Variants in SLCO5A1 observed in about 807,000 individuals in gnomAD.
SLCO5A1 encodes solute carrier organic anion transporter family member 5A1, also known as organic anion transporter polypeptide-related protein 4.
Under a neutral mutation model 65.1 loss-of-function variants are expected in SLCO5A1, and 39 were observed. The observed-to-expected ratio is 0.60, with a 90% CI of 0.46 to 0.78. The LOEUF (loss-of-function observed/expected upper bound fraction) is 0.78. Among genes scored for constraint, SLCO5A1 ranks in the 30% least tolerant of loss-of-function variants. SLCO5A1 has a pLI of 0.00. For synonymous variants in SLCO5A1, 438 were observed against 415.7 expected (o/e 1.05, Z -0.65); for missense variants, 1,029 against 1,069.4 (o/e 0.96, Z 0.53).
At chr8:69,698,164 T>A (rs1328701641) in intron 6 of SLCO5A1, among the ~76,000 whole-genome samples, 2 of 152,230 alleles carry the variant, frequency 1.3e-5, no homozygotes, top group Non-Finnish European at 2.9e-5. Flanking sequence ...GCTCCATCCA[T>A]GTTGCTGCAA....
chr8:69,801,541 G>C (rs1478395043), intron 2 of SLCO5A1, among the ~76,000 whole-genome samples: 2 of 152,122 alleles, frequency 1.3e-5, no homozygotes, highest in African/African-American at 4.8e-5. Context: ...ATAGATCTTA[G>C]TCTTTCTCCA....
Position 69,671,279 on chromosome 8 carries a change from G to C in SLCO5A1, c.*1590C>G, listed in dbSNP as rs1456972160. 2 of 152,268 alleles carry C rather than the reference G, an allele frequency of 1.3e-5. No individual in the cohort carries two copies. Among genetic ancestry groups the C allele is most frequent in the Non-Finnish European group, 2.9e-5 (2 of 68,064 alleles). The allele number at this position is 152,268 out of a possible 1,614,324, so 9.4% of individuals were successfully genotyped here. ...CAATTCCACCTGTGCAGTCAAGCAA[G>C]GTTGGAGAGCAGAAGCCTGAATCAT... On this transcript the variant is annotated 3_prime_UTR_variant, in exon 10 of 10. Transcript: ENST00000260126.
At chr8:69,694,251 T>G (rs1343638689) in intron 6 of SLCO5A1, among the ~76,000 whole-genome samples, 1 of 152,246 alleles carries the variant, frequency 6.6e-6, no homozygotes, top group East Asian at 1.9e-4. Flanking sequence ...GCTCCACTCC[T>G]TATTAACTGA....
At chr8:69,803,493 G>A (rs1375510467) in intron 2 of SLCO5A1, among the ~76,000 whole-genome samples, 3 of 151,988 alleles carry the variant, frequency 2.0e-5, no homozygotes, top group Non-Finnish European at 2.9e-5. Flanking sequence ...CAGGAGAATC[G>A]CTTGTGAGCT....
At chr8:69,819,920 A>G (rs7820242) in intron 2 of SLCO5A1, among the ~76,000 whole-genome samples, 79,166 of 152,008 alleles carry the variant, frequency 0.52, 20,802 homozygotes, top group African/African-American at 0.59. Context: ...CCAAGATTGC[A>G]CTACTGAACT....
At chr8:69,729,851 A>T (rs1816256508) in intron 5 of SLCO5A1, among the ~76,000 whole-genome samples, 1 of 152,182 alleles carries the variant, frequency 6.6e-6, no homozygotes, top group Admixed American at 6.5e-5. Context: ...ACCATTTTAT[A>T]TGACTGTATT....
intron 2 of SLCO5A1, among the ~76,000 whole-genome samples, 171 bp from the exon 3 acceptor site, chr8:69,762,046 G>T (rs747860678): frequency 3.3e-5 from 5 of 152,206 alleles, no homozygotes; most frequent in Non-Finnish European, 7.3e-5. Flanking sequence ...TTTGAAGCTT[G>T]CCCTTTGTTA....
At chr8:69,681,496 G>A (rs989857883) in intron 7 of SLCO5A1, among the ~76,000 whole-genome samples, 1 of 152,170 alleles carries the variant, frequency 6.6e-6, no homozygotes, top group Admixed American at 6.5e-5. Flanking sequence ...GGGAGGCTGA[G>A]GCAGGAGAAT....
chr8:69,819,127 C>G (rs1820527381), intron 2 of SLCO5A1, among the ~76,000 whole-genome samples: 1 of 152,150 alleles, frequency 6.6e-6, no homozygotes, highest in Non-Finnish European at 1.5e-5. Flanking sequence ...TATTCCCACT[C>G]TCAATGTCTC....
At chr8:69,771,119 G>A (rs1014365225) in intron 2 of SLCO5A1, among the ~76,000 whole-genome samples, 2 of 152,064 alleles carry the variant, frequency 1.3e-5, no homozygotes, top group African/African-American at 4.8e-5. Context: ...TGAGTAGCTG[G>A]GATCACAGGT....
chr8:69,821,029 G>T (rs568895677), intron 2 of SLCO5A1, among the ~76,000 whole-genome samples: 23 of 152,148 alleles, frequency 1.5e-4, no homozygotes, highest in Non-Finnish European at 1.6e-4. Flanking sequence ...TCTAAGGCAT[G>T]GGGCCAATTC....
intron 6 of SLCO5A1, among the ~76,000 whole-genome samples, chr8:69,688,596 T>C (rs1284705573): frequency 1.3e-5 from 2 of 152,056 alleles, no homozygotes; most frequent in Non-Finnish European, 2.9e-5. Context: ...GTTTGGTTTT[T>C]TTGTCCTTGC....
chr8:69,790,344 C>T (rs998531251), intron 2 of SLCO5A1, among the ~76,000 whole-genome samples: 6 of 151,870 alleles, frequency 4.0e-5, no homozygotes, highest in African/African-American at 1.5e-4. Flanking sequence ...AATATATACA[C>T]CTACTATGTA....
At chr8:69,699,573 G>T (rs940689188) in intron 6 of SLCO5A1, among the ~76,000 whole-genome samples, 3 of 151,410 alleles carry the variant, frequency 2.0e-5, no homozygotes, top group Non-Finnish European at 4.4e-5. Context: ...ACAGCAAACT[G>T]CTCAGCTTTT....
chr8:69,681,984 T>G (rs1041152407), intron 7 of SLCO5A1, among the ~76,000 whole-genome samples, 200 bp downstream of exon 7: 3 of 152,158 alleles, frequency 2.0e-5, no homozygotes, highest in African/African-American at 4.8e-5. Context: ...TGCACCCAAA[T>G]GTTCCAGTCA....
intron 2 of SLCO5A1, among the ~76,000 whole-genome samples, chr8:69,769,547 T>G (rs565229135): frequency 7.9e-5 from 12 of 152,352 alleles, no homozygotes; most frequent in Non-Finnish European, 1.2e-4. Context: ...TTAAGTTGGA[T>G]TTTTATGTTG....
At position 69,834,972 on chromosome 8, in the gene SLCO5A1, A is replaced by G. The variant is rs955574815; in HGVS notation, c.-615T>C. The G allele has an allele frequency of 6.6e-6, 1 of 152,590 alleles. No homozygotes were observed. Among genetic ancestry groups the G allele is most frequent in the Non-Finnish European group, 1.5e-5 (1 of 68,328 alleles). 9.5% of individuals were successfully genotyped at this position (152,590 alleles called of 1,614,324 possible). A position where few individuals can be genotyped will look rare whatever the true frequency, so the allele number is the denominator to read the frequency against. On this transcript the variant is annotated 5_prime_UTR_variant, in exon 1 of 10. Coordinates refer to ENST00000260126, the MANE Select transcript of SLCO5A1 (RefSeq NM_030958.3). ...GCCTCCGTCCAGCCGAAGAGAAATC[A>G]GTGAATGAGACTGTGACTCAGGCTG... is the stretch of plus-strand genomic sequence containing the variant.
intron 2 of SLCO5A1, among the ~76,000 whole-genome samples, chr8:69,786,532 T>G (rs1026672891): frequency 5.3e-5 from 8 of 152,232 alleles, no homozygotes; most frequent in Admixed American, 5.2e-4. Context: ...CAATGCATCT[T>G]AGCAGCTCAT....
At position 69,819,329 on chromosome 8, in the gene SLCO5A1, C is replaced by G. The variant is rs147546242; in HGVS notation, c.907+12438G>C. On this transcript the variant is annotated intron_variant, in intron 2 of 9. Coordinates refer to ENST00000260126, the MANE Select transcript of SLCO5A1 (RefSeq NM_030958.3). ...CCTGGCATAAGTACCACCGAGACAC[C>G]ACCGCCACCCCCTACTCCACATGGG... Among the ~76,000 whole-genome samples, 229 of 151,930 alleles carry G rather than the reference C, an allele frequency of 1.5e-3. 1 individual carries two copies. The highest frequency in any genetic ancestry group is 4.4e-3 in the African/African-American group (183 of 41,422).
Sources: allele counts gnomAD v4.1 joint callset (sites outside exome capture counted in the v4.1 genomes callset), GRCh38; gene constraint gnomAD v4.1.1; transcripts MANE v1.5; gene names NCBI Gene and HGNC (gene_info 2026-07-23, HGNC 2026-07-21).